The following CEP192 variants were observed in gnomAD, a reference collection of about 807,000 sequenced individuals.
The protein encoded by CEP192 is centrosomal protein 192, also known as centrosomal protein of 192 kDa.
A neutral mutation model predicts 271.8 loss-of-function variants in CEP192; 151 were observed. That is an observed-to-expected ratio of 0.56 (90% CI 0.49 to 0.64). The LOEUF (loss-of-function observed/expected upper bound fraction) is 0.64, where lower values mean the gene tolerates loss of function less well. CEP192 is among the 30% of genes least tolerant of loss of function. The pLI is 0.00. For synonymous variants in CEP192, 995 were observed against 1,076.5 expected (o/e 0.92, Z 1.48); for missense variants, 2,910 against 3,020.5 (o/e 0.96, Z 0.86).
rs562893995 is a variant in CEP192, at chr18:13,092,457, G to T, written c.6184G>T (p.Glu2062Ter). 1 of 1,607,412 alleles carries T rather than the reference G, an allele frequency of 6.2e-7. No individual in the cohort carries two copies. Among genetic ancestry groups the T allele is most frequent in the African/African-American group, 1.3e-5 (1 of 74,708 alleles). ...TAAAATTATACTTTCAGTAATTGGA[G>T]AATTCAGAGATTGCATTTCTAGCAG... Reference protein sequence around the residue: ...MCKIILSVIGEFRDCISSREF... With the variant: ...MCKIILSVIG The change falls in exon 34 of 45, where the codon GAA (glutamate) becomes TAA (stop). Residue 2062 changes from glutamate (E) to a stop codon, truncating the protein, a stop_gained. Coordinates refer to ENST00000506447, the MANE Select transcript of CEP192 (RefSeq NM_032142.4). LOFTEE classifies it high-confidence loss of function.
intron 14 of CEP192, among the ~76,000 whole-genome samples, chr18:13,041,361 A>G (rs2036192356): frequency 6.6e-6 from 1 of 152,146 alleles, no homozygotes; most frequent in South Asian, 2.1e-4. Flanking sequence ...ATTCTTGGTC[A>G]GCTTGGAATT....
At chr18:13,068,794 G>A in intron 24 of CEP192, 58 bp from the exon 25 acceptor site, 1 of 1,595,204 alleles carries the variant, frequency 6.3e-7, no homozygotes, top group Non-Finnish European at 8.6e-7. Context: ...ACTGCTGATG[G>A]CATTTAGAAT....
At chr18:13,049,921 A>G (rs2036685621) in intron 17 of CEP192, 30 bp downstream of exon 17, 3 of 1,581,064 alleles carry the variant, frequency 1.9e-6, no homozygotes, top group Admixed American at 1.8e-5. Context: ...TTTAAAAAAT[A>G]AAAATATGCG....
intron 15 of CEP192, among the ~76,000 whole-genome samples, chr18:13,046,580 T>C (rs1054699292): frequency 6.6e-6 from 1 of 151,940 alleles, no homozygotes; most frequent in African/African-American, 2.4e-5. Flanking sequence ...ATTTTAATGA[T>C]TACCCAAATA....
At chr18:13,107,761 G>A (rs1384258152) in intron 40 of CEP192, among the ~76,000 whole-genome samples, 3 of 151,868 alleles carry the variant, frequency 2.0e-5, no homozygotes, top group Admixed American at 6.6e-5. Context: ...ATCCAGAGAC[G>A]TTTGTTTTCA....
intron 3 of CEP192, among the ~76,000 whole-genome samples, chr18:13,004,728 G>T (rs1178525093): frequency 2.6e-5 from 4 of 152,148 alleles, no homozygotes; most frequent in Non-Finnish European, 5.9e-5. Flanking sequence ...AGGATTCCTG[G>T]ACAACATCAA....
intron 3 of CEP192, among the ~76,000 whole-genome samples, 166 bp downstream of exon 3, chr18:13,001,748 G>A (rs928937554): frequency 5.9e-5 from 9 of 152,206 alleles, no homozygotes; most frequent in African/African-American, 2.2e-4. Context: ...CCATTGCCCA[G>A]GCTATAGTGC....
At position 13,099,598 on chromosome 18, in the gene CEP192, T is replaced by A. The variant is rs748795396; in HGVS notation, c.6663+17T>A. On this transcript the variant is annotated intron_variant, in intron 37 of 44. Coordinates refer to ENST00000506447, the MANE Select transcript of CEP192 (RefSeq NM_032142.4). ...GGACAGAAGGTACTTTTAAAAGTGG[T>A]TTGGTTTTTTTTTTGAGTGACAATT... 3 of 1,353,932 alleles carry A rather than the reference T, an allele frequency of 2.2e-6. No individual in the cohort carries two copies. Among genetic ancestry groups the A allele is most frequent in the Non-Finnish European group, 3.1e-6 (3 of 977,288 alleles). 83.9% of individuals were successfully genotyped at this position (1,353,932 alleles called of 1,614,324 possible).
rs538748601 is a variant in CEP192 at position 13,098,512 on chromosome 18, C to T, written c.6558-964C>T. ...CTCACCTCCCAGATGGGGTCGCGGCCGGGCAGAGGCGCTCCTCACATCCCA... is the reference window on the plus strand; with the variant it reads ...CTCACCTCCCAGATGGGGTCGCGGCTGGGCAGAGGCGCTCCTCACATCCCA... On this transcript the variant is annotated intron_variant, in intron 36 of 44. Transcript: ENST00000506447. Among the ~76,000 whole-genome samples, 945 of 151,466 alleles carry T rather than the reference C, an allele frequency of 6.2e-3. 11 individuals carry two copies. The highest frequency in any genetic ancestry group is 0.021 in the African/African-American group (875 of 41,086).
At chr18:13,094,148 A>G (rs373247647) in intron 34 of CEP192, among the ~76,000 whole-genome samples, 1 of 152,316 alleles carries the variant, frequency 6.6e-6, no homozygotes, top group African/African-American at 2.4e-5. Flanking sequence ...GATTTGTCCT[A>G]TCACTAATAC....
At chr18:13,051,629 C>T (rs1270165947) in intron 17 of CEP192, among the ~76,000 whole-genome samples, 2 of 152,104 alleles carry the variant, frequency 1.3e-5, no homozygotes, top group African/African-American at 2.4e-5. Flanking sequence ...CTGCAAGCGC[C>T]GCCTCCCAGG....
intron 1 of CEP192, 85 bp from the exon 2 acceptor site, chr18:12,999,336 A>G (rs931366394): frequency 1.2e-5 from 13 of 1,062,742 alleles, no homozygotes; most frequent in South Asian, 2.1e-5. Context: ...CCTAAGATTT[A>G]TTAGTTTTCT....
At chr18:13,096,597 C>T (rs1171284833) in intron 36 of CEP192, among the ~76,000 whole-genome samples, 1 of 152,170 alleles carries the variant, frequency 6.6e-6, no homozygotes, top group Non-Finnish European at 1.5e-5. Context: ...AGAGCGTTTC[C>T]TTCTTAGGAC....
chr18:13,038,276 T>C, intron 12 of CEP192, 94 bp from the exon 13 acceptor site: 1 of 1,061,826 alleles, frequency 9.4e-7, no homozygotes, highest in Non-Finnish European at 1.4e-6. Context: ...ACTTTTTAAA[T>C]TTTCTTGGTA....
chr18:13,118,078 C>G (rs2040511516), intron 44 of CEP192, among the ~76,000 whole-genome samples: 1 of 152,164 alleles, frequency 6.6e-6, no homozygotes, highest in African/African-American at 2.4e-5. Flanking sequence ...TTTCCAGTTG[C>G]CATTCTTTAG....
At chr18:13,117,318 T>C (rs961967627) in intron 43 of CEP192, among the ~76,000 whole-genome samples, 1 of 152,226 alleles carries the variant, frequency 6.6e-6, no homozygotes, top group African/African-American at 2.4e-5. Context: ...TGTTTTATAT[T>C]TTAATTTTTA....
At chr18:13,007,926 A>G (rs1426640994) in intron 3 of CEP192, among the ~76,000 whole-genome samples, 1 of 152,212 alleles carries the variant, frequency 6.6e-6, no homozygotes, top group Non-Finnish European at 1.5e-5. Context: ...GAGCTGCTCT[A>G]GACCCAAGAG....
At chr18:13,024,986 G>C (rs550368195) in intron 9 of CEP192, among the ~76,000 whole-genome samples, 2 of 150,450 alleles carry the variant, frequency 1.3e-5, no homozygotes, top group East Asian at 4.0e-4. Context: ...TGGCCAGGCT[G>C]GTCTCGAACT....
intron 3 of CEP192, among the ~76,000 whole-genome samples, chr18:13,003,663 C>A (rs940670878): frequency 1.3e-5 from 2 of 152,008 alleles, no homozygotes; most frequent in African/African-American, 4.8e-5. Flanking sequence ...ATACGGGAAG[C>A]CACTAGAGGG....
Sources: gnomAD v4.1 joint callset for allele counts (sites outside exome capture counted in the v4.1 genomes callset) on GRCh38, gnomAD v4.1.1 for gene constraint, MANE v1.5 for transcripts, NCBI Gene and HGNC (gene_info 2026-07-23, HGNC 2026-07-21) for gene names.